Variants in ZYG11A observed in about 807,000 individuals in gnomAD.
The protein encoded by ZYG11A is zyg-11 family member A, cell cycle regulator.
Under a neutral mutation model 77.2 loss-of-function variants are expected in ZYG11A, and 62 were observed. The observed-to-expected ratio is 0.80, with a 90% CI of 0.65 to 0.99. The LOEUF (loss-of-function observed/expected upper bound fraction) is 0.99. Among genes scored for constraint, ZYG11A ranks in the 50% least tolerant of loss-of-function variants. ZYG11A has a pLI of 0.00. For missense variants in ZYG11A, 828 were observed against 896.8 expected (o/e 0.92, Z 0.98); for synonymous variants, 315 against 324.6 (o/e 0.97, Z 0.32).
chr1:52,854,940 T>C (rs1390532515), intron 2 of ZYG11A, among the ~76,000 whole-genome samples: 1 of 152,026 alleles, frequency 6.6e-6, no homozygotes, highest in African/African-American at 2.4e-5. Context: ...CAATCTTTGC[T>C]CACTGCAGCC....
In ZYG11A at chr1:52,857,145, T is replaced by A. The variant is rs1645827697; in HGVS notation, c.404T>A (p.Val135Glu). 1 of 1,551,842 alleles carries A rather than the reference T, an allele frequency of 6.4e-7. No homozygotes were observed. Among genetic ancestry groups the A allele is most frequent in the South Asian group, 1.2e-5 (1 of 84,070 alleles). The change falls in exon 3 of 14, where the codon GTG (valine) becomes GAG (glutamate). Residue 135 changes from valine (V) to glutamate (E), a missense_variant. By Grantham distance (121) the Val-to-Glu change is moderately radical. Coordinates refer to ENST00000371528, the MANE Select transcript of ZYG11A (RefSeq NM_001004339.3). ...HKLIELNATA[V>E]HADLPVPDII... ...CTCATTGAACTGAATGCTACTGCAG[T>A]GCACGCTGACCTCCCAGTTCCAGAC... is the stretch of plus-strand genomic sequence containing the variant.
At chr1:52,854,660 C>G in intron 2 of ZYG11A, 30 bp downstream of exon 2, 3 of 1,476,048 alleles carry the variant, frequency 2.0e-6, no homozygotes, top group Non-Finnish European at 2.7e-6. Context: ...AAAGTCAGCT[C>G]TTGCAGTACT....
chr1:52,851,325 G>C (rs1645706424), intron 1 of ZYG11A, among the ~76,000 whole-genome samples: 1 of 152,074 alleles, frequency 6.6e-6, no homozygotes, highest in African/African-American at 2.4e-5. Flanking sequence ...TTACAGGTGT[G>C]AGCCACTGTG....
intron 12 of ZYG11A, among the ~76,000 whole-genome samples, chr1:52,886,525 T>G (rs897444605): frequency 6.6e-6 from 1 of 151,808 alleles, no homozygotes; most frequent in African/African-American, 2.4e-5. Flanking sequence ...AATTTGAAAA[T>G]TCTTTTTTTT....
intron 8 of ZYG11A, among the ~76,000 whole-genome samples, chr1:52,869,964 A>ACCCCC (rs544972436): frequency 5.8e-5 from 3 of 51,364 alleles, no homozygotes; most frequent in African/African-American, 1.4e-4. Context: ...CGGGGGGCTG[A>ACCCCC]CCCCCCCCCA....
chr1:52,884,131 C>T (rs896287574), intron 11 of ZYG11A, among the ~76,000 whole-genome samples: 4 of 151,964 alleles, frequency 2.6e-5, no homozygotes, highest in Non-Finnish European at 5.9e-5. Context: ...CCACCCACCT[C>T]GGCCTCCCAA....
At chr1:52,847,738 C>G (rs952241062) in intron 1 of ZYG11A, among the ~76,000 whole-genome samples, 1 of 149,860 alleles carries the variant, frequency 6.7e-6, no homozygotes, top group Non-Finnish European at 1.5e-5. Context: ...GGCGCGATCT[C>G]GGTTCGCTGC....
intron 10 of ZYG11A, among the ~76,000 whole-genome samples, chr1:52,879,816 G>A (rs1041299961): frequency 6.6e-6 from 1 of 151,738 alleles, no homozygotes; most frequent in African/African-American, 2.4e-5. Context: ...AGGCTGGAGT[G>A]CAATGGTGTG....
chr1:52,867,906 A>C, intron 8 of ZYG11A, 129 bp downstream of exon 8: 1 of 693,298 alleles, frequency 1.4e-6, no homozygotes, highest in Non-Finnish European at 2.3e-6. Flanking sequence ...TTCTCCCCAG[A>C]AGAAACTTTC....
intron 1 of ZYG11A, among the ~76,000 whole-genome samples, chr1:52,852,350 C>T (rs1292584768): frequency 6.7e-6 from 1 of 149,810 alleles, no homozygotes; most frequent in Non-Finnish European, 1.5e-5. Context: ...CCTGGCCCGA[C>T]AGTTAATTTT....
Position 52,851,217 on chromosome 1 carries a change from C to T in ZYG11A, c.91-3248C>T, listed in dbSNP as rs145801727. On this transcript the variant is annotated intron_variant, in intron 1 of 13. Transcript: ENST00000371528. The stretch of plus-strand genomic sequence containing the variant: ...CCCTACCACATCTGGCTAATTTTTT[C>T]GTATTTTTTGTGGAGACGGGGTTTT... Among the ~76,000 whole-genome samples, 8 of 151,144 alleles carry T rather than the reference C, an allele frequency of 5.3e-5. No homozygotes were observed. The East Asian group carries it at 1.6e-3, about 30-fold the overall frequency.
At chr1:52,865,686 G>A (rs1239610965) in intron 5 of ZYG11A, among the ~76,000 whole-genome samples, 1 of 151,750 alleles carries the variant, frequency 6.6e-6, no homozygotes, top group Non-Finnish European at 1.5e-5. Context: ...AATGTTATAT[G>A]TTGAGCAAAA....
rs1646047454 is a variant in ZYG11A, at chr1:52,867,493, A to G, written c.1392-46A>G. On this transcript the variant is annotated intron_variant, in intron 6 of 13. Transcript: ENST00000371528. Reference sequence around the variant, plus strand: ...CAAATGATTTCTTCTGTGTAGTTTCACAAACTTTATATATAATTGTGAGAA... The same window carrying G: ...CAAATGATTTCTTCTGTGTAGTTTCGCAAACTTTATATATAATTGTGAGAA... 6.1e-6 allele frequency: 8 copies of G among 1,301,768 alleles called. No individual in the cohort carries two copies. In the South Asian group the frequency reaches 1.0e-4, roughly 17 times the overall value. 80.6% of individuals were successfully genotyped at this position (1,301,768 alleles called of 1,614,324 possible).
chr1:52,857,754 G>A lies in ZYG11A; in HGVS notation c.1008+5G>A, dbSNP rs1474370738. The A allele has an allele frequency of 7.2e-6, 11 of 1,522,890 alleles. No homozygotes were observed. Among genetic ancestry groups the A allele is most frequent in the Non-Finnish European group, 9.7e-6 (11 of 1,135,634 alleles). The allele number at this position is 1,522,890 out of a possible 1,614,324, so 94.3% of individuals were successfully genotyped here. A position where few individuals can be genotyped will look rare whatever the true frequency, so the allele number is the denominator to read the frequency against. On this transcript the variant is annotated splice_donor_5th_base_variant and intron_variant, in intron 3 of 13. Coordinates refer to ENST00000371528, the MANE Select transcript of ZYG11A (RefSeq NM_001004339.3). ...ACTACAAAGCAAGGCTTGAGGGTTTGTTCTTATCTGAATAAGTTTTGTTTC... is the reference window on the plus strand; with the variant it reads ...ACTACAAAGCAAGGCTTGAGGGTTTATTCTTATCTGAATAAGTTTTGTTTC...
intron 13 of ZYG11A, among the ~76,000 whole-genome samples, chr1:52,890,633 G>A (rs1054797952): frequency 2.6e-5 from 4 of 151,164 alleles, no homozygotes; most frequent in African/African-American, 4.9e-5. Context: ...TTGAAACAGG[G>A]TCTCACTCTG....
intron 11 of ZYG11A, 88 bp from the exon 12 acceptor site, chr1:52,885,745 T>G: frequency 1.0e-6 from 1 of 958,340 alleles, no homozygotes; most frequent in East Asian, 2.6e-5. Context: ...GTATCTAAAT[T>G]TGTTCAATCG....
intron 12 of ZYG11A, 144 bp downstream of exon 12, chr1:52,886,038 T>C (rs1646444138): frequency 1.8e-6 from 1 of 559,620 alleles, no homozygotes; most frequent in Non-Finnish European, 3.0e-6. Context: ...GTTCACGCCA[T>C]TCTCCTGCCT....
chr1:52,877,733 AC>A lies in ZYG11A; in HGVS notation c.1596del (p.Phe533SerfsTer5), dbSNP rs776780894. 5.8e-6 allele frequency: 9 copies of A among 1,552,094 alleles called. No homozygotes were observed. Among genetic ancestry groups the A allele is most frequent in the Non-Finnish European group, 7.8e-6 (9 of 1,147,048 alleles). ...GACTACTGAGAATTTAGATGATGTC[AC>A]CTTCTTGTTTACTTTGAAAGCACTT... ...QKTTENLDDVTFLFTLKALWN... is the reference protein window; with the variant it reads ...QKTTENLDDVXFLFTLKALWN... On this transcript the variant is annotated frameshift_variant, in exon 9 of 14. Transcript: ENST00000371528. LOFTEE classifies it high-confidence loss of function.
Position 52,845,401 on chromosome 1 carries a change from G to A in ZYG11A, c.90+2428G>A, listed in dbSNP as rs191796179. Among the ~76,000 whole-genome samples, 1,119 of 151,676 alleles carry A rather than the reference G, an allele frequency of 7.4e-3. 39 individuals carry two copies. The highest frequency in any genetic ancestry group is 3.9e-3 in the Non-Finnish European group (267 of 67,952). Reference sequence around the variant, plus strand: ...ACTCACTGCAACCTCCGCCTCCCGGGTTCAAGCGATTCTCTCGCCTCAGCC... The same window carrying A: ...ACTCACTGCAACCTCCGCCTCCCGGATTCAAGCGATTCTCTCGCCTCAGCC... On this transcript the variant is annotated intron_variant, in intron 1 of 13. Coordinates refer to ENST00000371528, the MANE Select transcript of ZYG11A (RefSeq NM_001004339.3).
Sources: gnomAD v4.1 joint callset for allele counts (sites outside exome capture counted in the v4.1 genomes callset) on GRCh38, gnomAD v4.1.1 for gene constraint, MANE v1.5 for transcripts, NCBI Gene and HGNC (gene_info 2026-07-23, HGNC 2026-07-21) for gene names.